SLC9A3: variants seen among roughly 807,000 people sequenced by gnomAD.
The protein encoded by SLC9A3 is solute carrier family 9 member A3.
Under a neutral mutation model 86.8 loss-of-function variants are expected in SLC9A3, and 37 were observed. That is an observed-to-expected ratio of 0.43 (90% CI 0.33 to 0.56). SLC9A3 has a LOEUF of 0.56. SLC9A3 is among the 20% of genes least tolerant of loss of function. SLC9A3 has a pLI of 0.06. For synonymous variants in SLC9A3, 581 were observed against 528.3 expected (o/e 1.10, Z -1.37); for missense variants, 1,011 against 1,171.9 (o/e 0.86, Z 2.00).
At chr5:506,408 C>T (rs1387116128) in intron 1 of SLC9A3, among the ~76,000 whole-genome samples, 9 of 152,186 alleles carry the variant, frequency 5.9e-5, no homozygotes, top group Non-Finnish European at 1.2e-4. Context: ...GCGAGGTGTG[C>T]CCCGTGTCTC....
chr5:523,604 TAAA>T (rs1280162903), intron 1 of SLC9A3, among the ~76,000 whole-genome samples: 1 of 108,260 alleles, frequency 9.2e-6, no homozygotes, highest in Non-Finnish European at 2.0e-5. Context: ...CGGGATTTTC[TAAA>T]AAAAAAAAAA....
Position 491,301 on chromosome 5 carries a change from G to A in SLC9A3, c.514+468C>T, listed in dbSNP as rs543523762. Among the ~76,000 whole-genome samples, 15 of 152,330 alleles carry A rather than the reference G, an allele frequency of 9.8e-5. No individual in the cohort carries two copies. The East Asian group carries it at 2.7e-3, about 27-fold the overall frequency. On this transcript the variant is annotated intron_variant, in intron 2 of 16. Transcript: ENST00000264938. This position sits in a 1 kb window ranked among gnomAD's most constrained non-coding sequence, Gnocchi z 9.2. ...GGGTCCGGGGCGGGAGGCAGTGCCC[G>A]AGAGATGAAGCATCCAAGACCAAAA...
At chr5:523,563 G>A (rs1458510304) in intron 1 of SLC9A3, among the ~76,000 whole-genome samples, 4 of 150,314 alleles carry the variant, frequency 2.7e-5, no homozygotes, top group African/African-American at 4.9e-5. Flanking sequence ...GTTCATTGGC[G>A]CCGGTTAAGA....
chr5:513,930 C>A (rs1412556430), intron 1 of SLC9A3, among the ~76,000 whole-genome samples: 2 of 152,232 alleles, frequency 1.3e-5, no homozygotes, highest in African/African-American at 4.8e-5. Context: ...AGGCGGGCCA[C>A]GCACAGCCAC....
chr5:486,195 C>T lies in SLC9A3; in HGVS notation c.676-964G>A, dbSNP rs567685014. Among the ~76,000 whole-genome samples the T allele has an allele frequency of 9.0e-4, 136 of 151,924 alleles. 1 individual carries two copies. The highest frequency in any genetic ancestry group is 3.0e-3 in the African/African-American group (124 of 41,436). ...AGGAAGCTGACCCCACCCTTCCCTC[C>T]GGCTGCGTCTGCAGGGTCCTCGGGG... On this transcript the variant is annotated intron_variant, in intron 3 of 16. Transcript: ENST00000264938.
Position 476,572 on chromosome 5 carries a change from G to A in SLC9A3, c.1861C>T (p.Gln621Ter). The A allele has an allele frequency of 1.2e-6, 2 of 1,611,420 alleles. No homozygotes were observed. The highest frequency in any genetic ancestry group is 8.5e-7 in the Non-Finnish European group (1 of 1,179,868). Reference protein sequence around the residue: ...AEDMVTHHTLQQYLYKPRQEY... With the variant: ...AEDMVTHHTL Reference sequence around the variant, plus strand: ...TGCCGCGGCTTGTACAGGTACTGCTGTAGCGTGTGGTGCGTGACCATGTCC... The same window carrying A: ...TGCCGCGGCTTGTACAGGTACTGCTATAGCGTGTGGTGCGTGACCATGTCC... Residue 621 changes from glutamine to a stop codon, truncating the protein, a stop_gained, in exon 12 of 17, where the codon CAG becomes TAG. Transcript: ENST00000264938. LOFTEE classifies it high-confidence loss of function.
chr5:483,652 A>G (rs1739328005), intron 5 of SLC9A3, among the ~76,000 whole-genome samples, 170 bp from the exon 6 acceptor site: 1 of 152,140 alleles, frequency 6.6e-6, no homozygotes, highest in Admixed American at 6.5e-5. Flanking sequence ...TCCTGCCCAC[A>G]GCCCTGCGGG....
At chr5:482,038 C>CT in intron 8 of SLC9A3, 30 bp downstream of exon 8, 1 of 373,264 alleles carries the variant, frequency 2.7e-6, no homozygotes, top group Non-Finnish European at 4.8e-6. Flanking sequence ...CACGCAGTGC[C>CT]CCCCCCCCGC....
At chr5:510,268 C>T (rs973570677) in intron 1 of SLC9A3, among the ~76,000 whole-genome samples, 1 of 152,210 alleles carries the variant, frequency 6.6e-6, no homozygotes, top group Admixed American at 6.5e-5. Flanking sequence ...GAAACGTGGC[C>T]GTACGCTGCC....
intron 4 of SLC9A3, among the ~76,000 whole-genome samples, 186 bp from the exon 5 acceptor site, chr5:484,883 C>T (rs1739392926): frequency 6.6e-6 from 1 of 152,212 alleles, no homozygotes; most frequent in South Asian, 2.1e-4. Context: ...CCTCCCGTGC[C>T]CCTGGGAGCC....
Position 475,204 on chromosome 5 carries a change from G to A in SLC9A3, c.2252-72C>T, listed in dbSNP as rs775070828. 4.1e-5 allele frequency: 60 copies of A among 1,468,160 alleles called. No homozygotes were observed. In the East Asian group the frequency reaches 4.1e-4, roughly 10 times the overall value. The allele number at this position is 1,468,160 out of a possible 1,614,324, so 90.9% of individuals were successfully genotyped here. The stretch of plus-strand genomic sequence containing the variant: ...CGGCAGGGGAGACCTCGCCGGGGCC[G>A]TCACCTGCTGGGTGCCTTGGAAAGT... On this transcript the variant is annotated intron_variant, in intron 15 of 16. Transcript: ENST00000264938.
At chr5:509,439 G>C (rs1252056742) in intron 1 of SLC9A3, among the ~76,000 whole-genome samples, 1 of 143,324 alleles carries the variant, frequency 7.0e-6, no homozygotes, top group African/African-American at 2.5e-5. Flanking sequence ...GGGCGAGAGA[G>C]TGAGATGGAA....
intron 1 of SLC9A3, among the ~76,000 whole-genome samples, chr5:517,812 ACCATCCATCCATCCAT>A (rs72445363): frequency 0.25 from 36,739 of 144,748 alleles, 4,681 homozygotes; most frequent in African/African-American, 0.32. Context: ...ATCCATCCAA[ACCATCCATCCATCCAT>A]CCATCCATCC....
At chr5:482,956 T>TCA (rs1295750032) in intron 6 of SLC9A3, among the ~76,000 whole-genome samples, 1 of 151,308 alleles carries the variant, frequency 6.6e-6, no homozygotes, top group Non-Finnish European at 1.5e-5. Flanking sequence ...GCTCCGTGCA[T>TCA]CACACACACG....
chr5:484,756 G>A lies in SLC9A3; in HGVS notation c.755-59C>T. 3 of 1,557,232 alleles carry A rather than the reference G, an allele frequency of 1.9e-6. No individual in the cohort carries two copies. The Admixed American group carries it at 5.1e-5, about 26-fold the overall frequency. On this transcript the variant is annotated intron_variant, in intron 4 of 16. Coordinates refer to ENST00000264938, the MANE Select transcript of SLC9A3 (RefSeq NM_004174.4). ...CCTTCCGGGCCCTTCCTTGCCAGGG[G>A]CCGCCTGGTGACCCCGCGGAAGTGC...
rs145405733 is a variant in SLC9A3, at chr5:493,497, C to T, written c.212-1426G>A. Reference sequence around the variant, plus strand: ...TTGTAATTACGGAGCTCTTGCAGGGCCGGGTGCTGGCCCAGAGGAGGGAGG... The same window carrying T: ...TTGTAATTACGGAGCTCTTGCAGGGTCGGGTGCTGGCCCAGAGGAGGGAGG... On this transcript the variant is annotated intron_variant, in intron 1 of 16. Transcript: ENST00000264938. Among the ~76,000 whole-genome samples the T allele has an allele frequency of 5.9e-5, 9 of 152,364 alleles. No individual in the cohort carries two copies. The East Asian group carries it at 1.3e-3, about 23-fold the overall frequency.
At chr5:511,079 C>G (rs1345149128) in intron 1 of SLC9A3, among the ~76,000 whole-genome samples, 1 of 152,160 alleles carries the variant, frequency 6.6e-6, no homozygotes, top group Non-Finnish European at 1.5e-5. Context: ...CCCAAAATAT[C>G]GAACACACAC....
Position 476,559 on chromosome 5 carries a change from T to C in SLC9A3, c.1874A>G (p.Tyr625Cys), listed in dbSNP as rs1738752231. The C allele has an allele frequency of 6.2e-7, 1 of 1,611,310 alleles. No homozygotes were observed. The highest frequency in any genetic ancestry group is 1.3e-5 in the African/African-American group (1 of 74,916). Residue 625 changes from tyrosine to cysteine, a missense_variant, in exon 12 of 17, where the codon TAC (tyrosine) becomes TGC (cysteine). By Grantham distance (194) the Tyr-to-Cys change is radical (BLOSUM62 -2). Transcript: ENST00000264938. ...AGTGCCCACCTCCTGCCGCGGCTTG[T>C]ACAGGTACTGCTGTAGCGTGTGGTG... The part of the protein sequence containing the change: ...VTHHTLQQYL[Y>C]KPRQEYKHLY...
intron 2 of SLC9A3, among the ~76,000 whole-genome samples, chr5:488,772 C>A (rs529843500): frequency 6.6e-6 from 1 of 152,236 alleles, no homozygotes; most frequent in African/African-American, 2.4e-5. Context: ...GCAGGGGCAC[C>A]GCATGCTGGG....
Sources: gnomAD v4.1 joint callset for allele counts (sites outside exome capture counted in the v4.1 genomes callset) on GRCh38, gnomAD v4.1.1 for gene constraint, Gnocchi (gnomAD v3.1) non-coding constraint, MANE v1.5 for transcripts, NCBI Gene and HGNC (gene_info 2026-07-23, HGNC 2026-07-21) for gene names.